Variants in TCHH observed in about 807,000 individuals in gnomAD.
The protein encoded by TCHH is trichohyalin.
In TCHH, 6 loss-of-function variants were observed where a neutral mutation model predicts 6.3. The observed-to-expected ratio is 0.95, with a 90% CI of 0.52 to 1.88. TCHH has a LOEUF of 1.88. TCHH is among the 40% of genes most tolerant of loss of function. The pLI, the probability that TCHH is intolerant of heterozygous loss-of-function variation, is 0.01. For synonymous variants in TCHH, 1,087 were observed against 963.6 expected (o/e 1.13, Z -2.37); for missense variants, 2,920 against 2,449.1 (o/e 1.19, Z -4.06).
Position 152,108,317 on chromosome 1 carries a change from G to A in TCHH, c.4900C>T (p.Gln1634Ter). ...DEQLLQEREEQQLHRQERDRK... is the reference protein window; with the variant it reads ...DEQLLQEREE Reference sequence around the variant, plus strand: ...TCACGCTCTTGGCGGTGCAGCTGCTGTTCTTCCCTTTCCTGGAGCAGCTGT... The same window carrying A: ...TCACGCTCTTGGCGGTGCAGCTGCTATTCTTCCCTTTCCTGGAGCAGCTGT... Residue 1634 changes from glutamine to a stop codon, truncating the protein, a stop_gained, in exon 3 of 3, where the codon CAG becomes TAG. Coordinates refer to ENST00000614923, the MANE Select transcript of TCHH (RefSeq NM_007113.4). LOFTEE classifies it low-confidence loss of function (END_TRUNC). 2 of 1,611,916 alleles carry A rather than the reference G, an allele frequency of 1.2e-6. No individual in the cohort carries two copies. The highest frequency in any genetic ancestry group is 1.7e-6 in the Non-Finnish European group (2 of 1,179,162).
chr1:152,113,226 C>T, intron 2 of TCHH, 148 bp from the exon 3 acceptor site: 1 of 834,526 alleles, frequency 1.2e-6, no homozygotes, highest in Non-Finnish European at 1.8e-6. Context: ...CAAGTTTTGT[C>T]CCCATGTAAA....
Position 152,113,944 on chromosome 1 carries a change from C to T in TCHH, c.137G>A (p.Arg46Gln), listed in dbSNP as rs200036061. The T allele has an allele frequency of 1.7e-4, 280 of 1,611,352 alleles. No individual in the cohort carries two copies. The African/African-American group carries it at 3.3e-3, about 19-fold the overall frequency. ...LLEREFGAVL[R>Q]RPHDPKTVDL... The stretch of plus-strand genomic sequence containing the variant: ...TCTCATTTTCTTGTTAGTTCTTACC[C>T]GAAGCACAGCTCCAAATTCCCTTTC... Residue 46 changes from arginine (R) to glutamine (Q), a missense_variant and splice_region_variant, in exon 2 of 3, where the codon CGG (arginine) becomes CAG (glutamine). Physicochemically the swap from Arg to Gln is conservative, Grantham distance 43. Transcript: ENST00000614923.
chr1:152,112,691 G>C lies in TCHH; in HGVS notation c.526C>G (p.Gln176Glu). 1 of 1,614,048 alleles carries C rather than the reference G, an allele frequency of 6.2e-7. No individual in the cohort carries two copies. Among genetic ancestry groups the C allele is most frequent in the Non-Finnish European group, 8.5e-7 (1 of 1,180,026 alleles). ...TCCCGTTCTTGCCATTCTTGCCTTT[G>C]CCGCCACAGCTCCTCGTCGCGGCGC... The part of the protein sequence containing the change: ...RQRRDEELWR[Q>E]RQEWQEREER... Residue 176 changes from glutamine (Q) to glutamate (E), a missense_variant, in exon 3 of 3, where the codon CAA becomes GAA. By Grantham distance (29) the Gln-to-Glu change is conservative. Transcript: ENST00000614923.
chr1:152,111,809 CCTG>C lies in TCHH; in HGVS notation c.1405_1407del (p.Gln469del), dbSNP rs756708149. The C allele has an allele frequency of 6.5e-7, 1 of 1,544,586 alleles. No homozygotes were observed. The highest frequency in any genetic ancestry group is 1.5e-5 in the African/African-American group (1 of 66,344). ...CGCTTCAGCTGCTGCTTGCGCCTCT[CCTG>C]CTCGTGCCTCTCCGTCTCCTCCTCG... On this transcript the variant is annotated inframe_deletion, in exon 3 of 3. Transcript: ENST00000614923.
chr1:152,113,082 T>C lies in TCHH; in HGVS notation c.139-4A>G, dbSNP rs764117938. 3.2e-6 allele frequency: 5 copies of C among 1,570,724 alleles called. No homozygotes were observed. The Admixed American group carries it at 6.0e-5, about 19-fold the overall frequency. On this transcript the variant is annotated splice_region_variant and splice_polypyrimidine_tract_variant and intron_variant, in intron 2 of 2. Transcript: ENST00000614923. ...CCGTCTTAGGGTCATGTGGTCTCTA[T>C]AAAAATGGTGAAAACAAAAATTTTA...
Position 152,109,445 on chromosome 1 carries a change from G to C in TCHH, c.3772C>G (p.Leu1258Val), listed in dbSNP as rs2496253. Residue 1258 changes from leucine (L) to valine (V), a missense_variant, in exon 3 of 3, where the codon CTG becomes GTG. Physicochemically the swap from Leu to Val is conservative, Grantham distance 32. Coordinates refer to ENST00000614923, the MANE Select transcript of TCHH (RefSeq NM_007113.4). ...EQFRQLEDSQLRDRQSQQDLQ... is the reference protein window; with the variant it reads ...EQFRQLEDSQVRDRQSQQDLQ... ...TCTTGCTGGGATTGTCTGTCGCGCA[G>C]CTGGGAATCTTCCAACTGCCGGAAC... 745,911 of 1,614,058 alleles carry C rather than the reference G, an allele frequency of 0.46. 178,867 individuals carry two copies. Among genetic ancestry groups the C allele is most frequent in the South Asian group, 0.72 (65,662 of 91,084 alleles).
At chr1:152,115,208 C>T (rs1164791966) in intron 1 of TCHH, among the ~76,000 whole-genome samples, 183 bp downstream of exon 1, 2 of 152,152 alleles carry the variant, frequency 1.3e-5, no homozygotes, top group Non-Finnish European at 2.9e-5. Flanking sequence ...AAGGGTCATG[C>T]TTCAGTTCAA....
rs1658131833 is a variant in TCHH at position 152,107,359 on chromosome 1, A to G, written c.*26T>C. On this transcript the variant is annotated 3_prime_UTR_variant, in exon 3 of 3. Transcript: ENST00000614923. ...ATTTTCCCGTGCTCGAAGCTTTGGC[A>G]GGTGTCAAGATATTGGCAACATCAC... 6.6e-7 allele frequency: 1 copy of G among 1,514,368 alleles called. No homozygotes were observed. The highest frequency in any genetic ancestry group is 1.4e-5 in the African/African-American group (1 of 71,804). The allele number at this position is 1,514,368 out of a possible 1,614,324, so 93.8% of individuals were successfully genotyped here.
At position 152,112,622 on chromosome 1, in the gene TCHH, GACCTTTGCAACT is replaced by G. The variant is rs1557813370; in HGVS notation, c.583_594del (p.Ser195_Gly198del). 7 of 1,613,774 alleles carry G rather than the reference GACCTTTGCAACT, an allele frequency of 4.3e-6. 1 individual carries two copies. In the South Asian group the frequency reaches 7.7e-5, roughly 18 times the overall value. On this transcript the variant is annotated inframe_deletion, in exon 3 of 3. Transcript: ENST00000614923. ...TCGTCTGGAAACTCCTCAGTTTCGTGACCTTTGCAACTCTGCAGCTGCTCTTCCTCTGCACGG... is the reference window on the plus strand; with the variant it reads ...TCGTCTGGAAACTCCTCAGTTTCGTGCTGCAGCTGCTCTTCCTCTGCACGG...
rs759085747 is a variant in TCHH, at chr1:152,110,560, C to T, written c.2657G>A (p.Arg886His). The T allele has an allele frequency of 1.9e-6, 3 of 1,614,142 alleles. No homozygotes were observed. The highest frequency in any genetic ancestry group is 3.3e-5 in the Admixed American group (2 of 60,020). The part of the protein sequence containing the change: ...WQLEEERKRR[R>H]HTLYAKPALQ... ...GGCTGGCTTGGCGTACAGCGTGTGG[C>T]GGCGTCTCTTCCTTTCTTCTTCTAG... Residue 886 changes from arginine (R) to histidine (H), a missense_variant, in exon 3 of 3, where the codon CGC becomes CAC. Coordinates refer to ENST00000614923, the MANE Select transcript of TCHH (RefSeq NM_007113.4).
At position 152,107,972 on chromosome 1, in the gene TCHH, T is replaced by C. The variant is rs1444268306; in HGVS notation, c.5245A>G (p.Ile1749Val). Residue 1749 changes from isoleucine (I) to valine (V), a missense_variant, in exon 3 of 3, where the codon ATC becomes GTC. Ile to Val is a conservative substitution (Grantham distance 29). Coordinates refer to ENST00000614923, the MANE Select transcript of TCHH (RefSeq NM_007113.4). ...GGACGGAGCTGCTCTTCCTCTAGGA[T>C]TTTTCTGTAGCGTTCTTGGCGGCGC... ...QLRRQERYRK[I>V]LEEEQLRPER... The C allele has an allele frequency of 8.1e-6, 13 of 1,600,462 alleles. No homozygotes were observed. The highest frequency in any genetic ancestry group is 1.0e-5 in the Non-Finnish European group (12 of 1,175,760).
At position 152,108,943 on chromosome 1, in the gene TCHH, C is replaced by CG; in HGVS notation, c.4273dup (p.Arg1425ProfsTer5). On this transcript the variant is annotated frameshift_variant, in exon 3 of 3. Transcript: ENST00000614923. LOFTEE classifies it low-confidence loss of function (END_TRUNC). ...ACGGAATTTTCTGTCACGCTCTTGG[C>CG]GGCTCAGCTGCTGTTCCTCCTCGCG... The CG allele has an allele frequency of 6.2e-7, 1 of 1,611,402 alleles. No homozygotes were observed. Among genetic ancestry groups the CG allele is most frequent in the Non-Finnish European group, 8.5e-7 (1 of 1,179,428 alleles).
In TCHH at chr1:152,108,698, C is replaced by G; in HGVS notation, c.4519G>C (p.Glu1507Gln). 2 of 1,611,012 alleles carry G rather than the reference C, an allele frequency of 1.2e-6. No individual in the cohort carries two copies. Among genetic ancestry groups the G allele is most frequent in the Non-Finnish European group, 1.7e-6 (2 of 1,179,516 alleles). ...QERDRKFREQ[E>Q]LRSQEPERKF... Reference sequence around the variant, plus strand: ...CTCTCTGGTTCCTGACTGCGCAGTTCCTGTTCGCGGAATTTTCTGTCACGC... The same window carrying G: ...CTCTCTGGTTCCTGACTGCGCAGTTGCTGTTCGCGGAATTTTCTGTCACGC... Residue 1507 changes from glutamate to glutamine, a missense_variant, in exon 3 of 3, where the codon GAA becomes CAA. Glu to Gln is a conservative substitution (Grantham distance 29, BLOSUM62 2). Transcript: ENST00000614923.
In TCHH at chr1:152,112,974, C is replaced by T; in HGVS notation, c.243G>A (p.Val81=). Residue 81 remains valine (V), a synonymous_variant, in exon 3 of 3, where the codon GTG becomes GTA. Coordinates refer to ENST00000614923, the MANE Select transcript of TCHH (RefSeq NM_007113.4). ...CGAGAGCATAGTAACAAGCTTGAGC[C>T]ACTTTGAAAATAAATAGGAGGAATT... ...FNEFLLFIFK[V]AQACYYALGQ... is the part of the protein sequence containing the mutation. 1.2e-6 allele frequency: 2 copies of T among 1,614,078 alleles called. No homozygotes were observed. Among genetic ancestry groups the T allele is most frequent in the Non-Finnish European group, 1.7e-6 (2 of 1,180,018 alleles).
At position 152,108,463 on chromosome 1, in the gene TCHH, T is replaced by C. The variant is rs374605024; in HGVS notation, c.4754A>G (p.Glu1585Gly). 2 of 1,613,044 alleles carry C rather than the reference T, an allele frequency of 1.2e-6. No homozygotes were observed. Among genetic ancestry groups the C allele is most frequent in the Non-Finnish European group, 1.7e-6 (2 of 1,179,800 alleles). Reference protein sequence around the residue: ...QERDRKFRLEEQKVRRQEQER... With the variant: ...QERDRKFRLEGQKVRRQEQER... ...TTGTTCCTGGCGGCGCACTTTCTGT[T>C]CCTCTAAACGGAATTTTCTGTCACG... Residue 1585 changes from glutamate (E) to glycine (G), a missense_variant, in exon 3 of 3, where the codon GAA becomes GGA. Physicochemically the swap from Glu to Gly is moderately conservative, Grantham distance 98 (BLOSUM62 -2). Coordinates refer to ENST00000614923, the MANE Select transcript of TCHH (RefSeq NM_007113.4).
chr1:152,109,404 C>A lies in TCHH; in HGVS notation c.3813G>T (p.Leu1271=), dbSNP rs557559027. The A allele has an allele frequency of 1.2e-6, 2 of 1,614,216 alleles. No homozygotes were observed. The highest frequency in any genetic ancestry group is 3.3e-5 in the Admixed American group (2 of 60,034). The part of the protein sequence containing the change: ...RQSQQDLQHL[L]GEQQERDREQ... ...CACGATCTCGCTCTTGCTGTTCACC[C>A]AGCAGGTGCTGCAGATCTTGCTGGG... The change falls in exon 3 of 3, where the codon CTG becomes CTT. Residue 1271 remains leucine (L), a synonymous_variant. Coordinates refer to ENST00000614923, the MANE Select transcript of TCHH (RefSeq NM_007113.4).
chr1:152,113,948 G>T lies in TCHH; in HGVS notation c.133C>A (p.Leu45Ile), dbSNP rs908866827. The change falls in exon 2 of 3, where the codon CTT (leucine) becomes ATT (isoleucine). Residue 45 changes from leucine to isoleucine, a missense_variant. Leu to Ile is a conservative substitution (Grantham distance 5). Coordinates refer to ENST00000614923, the MANE Select transcript of TCHH (RefSeq NM_007113.4). ...ATTTTCTTGTTAGTTCTTACCCGAA[G>T]CACAGCTCCAAATTCCCTTTCAAGG... ...NLLEREFGAV[L>I]RRPHDPKTVD... 1 of 1,611,684 alleles carries T rather than the reference G, an allele frequency of 6.2e-7. No homozygotes were observed. The highest frequency in any genetic ancestry group is 8.5e-7 in the Non-Finnish European group (1 of 1,179,272).
intron 2 of TCHH, among the ~76,000 whole-genome samples, chr1:152,113,579 T>A (rs566659040): frequency 1.3e-5 from 2 of 152,362 alleles, no homozygotes; most frequent in East Asian, 3.9e-4. Flanking sequence ...TTCTATTCCA[T>A]ATTAGAAAAC....
chr1:152,109,613 C>T lies in TCHH; in HGVS notation c.3604G>A (p.Glu1202Lys), dbSNP rs1251147466. The change falls in exon 3 of 3, where the codon GAG becomes AAG. Residue 1202 changes from glutamate (E) to lysine (K), a missense_variant. Physicochemically the swap from Glu to Lys is moderately conservative, Grantham distance 56. Transcript: ENST00000614923. ...CTTTTCTGGCGCTGAAGCTCTTCCT[C>T]CTCCCGATACTGCCTCTCCCGCTCC... The part of the protein sequence containing the change: ...RQERERQYRE[E>K]EELQRQKRKQ... 15 of 1,614,130 alleles carry T rather than the reference C, an allele frequency of 9.3e-6. No individual in the cohort carries two copies. Among genetic ancestry groups the T allele is most frequent in the Admixed American group, 3.3e-5 (2 of 60,012 alleles).
Sources: gnomAD v4.1 joint callset for allele counts (sites outside exome capture counted in the v4.1 genomes callset) on GRCh38, gnomAD v4.1.1 for gene constraint, MANE v1.5 for transcripts, NCBI Gene and HGNC (gene_info 2026-07-23, HGNC 2026-07-21) for gene names.